The following PSMD14 variants were observed in gnomAD, a reference collection of about 807,000 sequenced individuals.
PSMD14 encodes the protein proteasome 26S subunit, non-ATPase 14, also known as ubiquitin C-terminal hydrolase PSMD14.
A neutral mutation model predicts 41.2 loss-of-function variants in PSMD14; 7 were observed. That is an observed-to-expected ratio of 0.17 (90% CI 0.10 to 0.32). The LOEUF (loss-of-function observed/expected upper bound fraction) is 0.32, where lower values mean the gene tolerates loss of function less well. Ranked by LOEUF, PSMD14 falls within the 10% of genes least tolerant of loss-of-function variation. PSMD14 has a pLI of 1.00. For synonymous variants in PSMD14, 114 were observed against 122.3 expected, an observed-to-expected ratio of 0.93 and a Z score of 0.45; for missense variants, 139 against 375.6, an observed-to-expected ratio of 0.37 and a Z score of 5.21.
At chr2:161,317,200 A>C (rs1574112774) in intron 2 of PSMD14, among the ~76,000 whole-genome samples, 1 of 152,174 alleles carries the variant, frequency 6.6e-6, no homozygotes, top group African/African-American at 2.4e-5. Context: ...GAGGAATTTC[A>C]ATGAGTATTT....
intron 11 of PSMD14, 99 bp downstream of exon 11, chr2:161,408,998 CTA>C (rs1683991468): frequency 5.8e-6 from 5 of 861,978 alleles, no homozygotes; most frequent in African/African-American, 3.4e-5. Context: ...CCTGTCCACT[CTA>C]TGTTTTTCTT....
intron 10 of PSMD14, among the ~76,000 whole-genome samples, chr2:161,403,614 T>G (rs1683911247): frequency 6.6e-6 from 1 of 152,162 alleles, no homozygotes; most frequent in African/African-American, 2.4e-5. Flanking sequence ...TCTCATTGCC[T>G]TAGAATGAGG....
At chr2:161,317,141 C>T (rs1164462416) in intron 2 of PSMD14, among the ~76,000 whole-genome samples, 1 of 151,928 alleles carries the variant, frequency 6.6e-6, no homozygotes, top group Non-Finnish European at 1.5e-5. Context: ...CCCCCCGCCC[C>T]GTTTTTAGCC....
intron 3 of PSMD14, among the ~76,000 whole-genome samples, chr2:161,335,221 T>C (rs1404624592): frequency 1.3e-5 from 2 of 152,236 alleles, no homozygotes; most frequent in Non-Finnish European, 2.9e-5. Context: ...GTTGTCTCTG[T>C]TCCCTTCTTT....
At chr2:161,318,718 C>T (rs1689171217) in intron 2 of PSMD14, 104 bp from the exon 3 acceptor site, 1 of 802,042 alleles carries the variant, frequency 1.2e-6, no homozygotes, top group Admixed American at 2.3e-5. Flanking sequence ...TAATTACCAC[C>T]AATATTTTTG....
intron 3 of PSMD14, among the ~76,000 whole-genome samples, chr2:161,361,341 T>G (rs1375973954): frequency 6.6e-6 from 1 of 152,206 alleles, no homozygotes; most frequent in Admixed American, 6.5e-5. Context: ...AGTCTCAAGA[T>G]ATAGATAACC....
chr2:161,359,598 C>T (rs1299917968), intron 3 of PSMD14, among the ~76,000 whole-genome samples: 1 of 151,978 alleles, frequency 6.6e-6, no homozygotes. Context: ...CCCACTGTGC[C>T]CATCTAGACT....
chr2:161,331,344 C>T (rs1418053871), intron 3 of PSMD14, among the ~76,000 whole-genome samples: 3 of 151,818 alleles, frequency 2.0e-5, no homozygotes, highest in Non-Finnish European at 1.5e-5. Context: ...CTCAGTGCAA[C>T]CTCCGCCTCC....
intron 3 of PSMD14, among the ~76,000 whole-genome samples, chr2:161,322,305 C>G (rs753486976): frequency 4.6e-5 from 7 of 152,154 alleles, no homozygotes; most frequent in Non-Finnish European, 7.4e-5. Flanking sequence ...CATGACCCCA[C>G]CTTGAGTCCC....
At chr2:161,405,893 T>C (rs1017007278) in intron 10 of PSMD14, among the ~76,000 whole-genome samples, 1 of 152,056 alleles carries the variant, frequency 6.6e-6, no homozygotes, top group African/African-American at 2.4e-5. Context: ...AGAAGTATGA[T>C]GTGGAATAAG....
Position 161,408,879 on chromosome 2 carries a change from A to G in PSMD14, c.814A>G (p.Ile272Val). ...EDKMTPEQLA[I>V]KNVGKQDPKR... ...TAAGATGACACCTGAACAGCTGGCA[A>G]TAAAGAATGTTGGCAAGCAGGTGAG... The change falls in exon 11 of 12, where the codon ATA (isoleucine) becomes GTA (valine). Residue 272 changes from isoleucine to valine, a missense_variant. Transcript: ENST00000409682. 2 of 1,606,754 alleles carry G rather than the reference A, an allele frequency of 1.2e-6. No individual in the cohort carries two copies. The highest frequency in any genetic ancestry group is 1.7e-6 in the Non-Finnish European group (2 of 1,174,634).
rs148059839 is a variant in PSMD14, at chr2:161,317,393, C to T, written c.-5+824C>T. 1.9e-3 allele frequency among the ~76,000 whole-genome samples: 295 copies of T among 152,156 alleles called. 2 individuals carry two copies. The highest frequency in any genetic ancestry group is 6.9e-3 in the African/African-American group (285 of 41,522). On this transcript the variant is annotated intron_variant, in intron 2 of 11. Coordinates refer to ENST00000409682, the MANE Select transcript of PSMD14 (RefSeq NM_005805.6). ...GCCAGATACGAAAAATATATGATTC[C>T]GTTTATGTAAAATTCAAAAGCAGCC...
At chr2:161,372,313 CTTG>C (rs1683447193) in intron 7 of PSMD14, among the ~76,000 whole-genome samples, 1 of 152,006 alleles carries the variant, frequency 6.6e-6, no homozygotes, top group Non-Finnish European at 1.5e-5. Context: ...TAAATATTAG[CTTG>C]TTATCTATCA....
chr2:161,312,116 A>C (rs1367642056), intron 1 of PSMD14, among the ~76,000 whole-genome samples: 1 of 152,110 alleles, frequency 6.6e-6, no homozygotes, highest in Non-Finnish European at 1.5e-5. Flanking sequence ...GAGTAGCTTG[A>C]AAAGGATTGA....
At chr2:161,391,083 T>G (rs200378563) in intron 8 of PSMD14, 21 bp from the exon 9 acceptor site, 1 of 1,444,096 alleles carries the variant, frequency 6.9e-7, no homozygotes, top group African/African-American at 1.4e-5. Flanking sequence ...TTGTCCTTTT[T>G]AAAATCATTT....
chr2:161,345,012 T>C (rs1429519203), intron 3 of PSMD14, among the ~76,000 whole-genome samples: 1 of 152,138 alleles, frequency 6.6e-6, no homozygotes, highest in East Asian at 1.9e-4. Flanking sequence ...AGTTTTATTG[T>C]TTTATCTCTT....
At chr2:161,311,591 A>C (rs1466887315) in intron 1 of PSMD14, among the ~76,000 whole-genome samples, 2 of 150,792 alleles carry the variant, frequency 1.3e-5, no homozygotes, top group Non-Finnish European at 3.0e-5. Context: ...AGACTCCATA[A>C]TAGATTATTA....
intron 10 of PSMD14, among the ~76,000 whole-genome samples, chr2:161,400,424 C>G (rs1234936012): frequency 1.3e-5 from 2 of 152,102 alleles, no homozygotes; most frequent in Admixed American, 1.3e-4. Flanking sequence ...ACAACCGGCC[C>G]TGGAACTATA....
chr2:161,382,309 C>G (rs1046612232), intron 7 of PSMD14: 7 of 151,678 alleles, frequency 4.6e-5, no homozygotes, highest in African/African-American at 1.7e-4. Flanking sequence ...CTGTGAGTTG[C>G]GCATAGACCA....
Sources: allele counts gnomAD v4.1 joint callset (sites outside exome capture counted in the v4.1 genomes callset), GRCh38; gene constraint gnomAD v4.1.1; transcripts MANE v1.5; gene names NCBI Gene and HGNC (gene_info 2026-07-23, HGNC 2026-07-21).